Variants in PHTF2 observed in about 807,000 individuals in gnomAD.
The protein encoded by PHTF2 is putative homeodomain transcription factor 2.
In PHTF2, 60 loss-of-function variants were observed where a neutral mutation model predicts 101.2. The ratio of observed to expected loss-of-function variants is 0.59; its 90% CI spans 0.48 to 0.73. PHTF2 has a LOEUF of 0.73. Among genes scored for constraint, PHTF2 ranks in the 30% least tolerant of loss-of-function variants. The probability of loss-of-function intolerance (pLI) is 0.00; values close to 1 mark genes in which losing one functional copy is unlikely to be tolerated. For synonymous variants in PHTF2, 311 were observed against 307.3 expected (o/e 1.01, Z -0.13); for missense variants, 747 against 908.7 (o/e 0.82, Z 2.29).
At chr7:77,857,134 C>T (rs927713234) in intron 3 of PHTF2, among the ~76,000 whole-genome samples, 1 of 152,108 alleles carries the variant, frequency 6.6e-6, no homozygotes, top group Non-Finnish European at 1.5e-5. Context: ...TCCAGGTATG[C>T]GCAGTGACCT....
chr7:77,832,972 ATAAC>A (rs1174048744), intron 1 of PHTF2, among the ~76,000 whole-genome samples: 8 of 152,270 alleles, frequency 5.3e-5, no homozygotes, highest in Non-Finnish European at 4.4e-5. Flanking sequence ...GAGATAGATA[ATAAC>A]TAATAATAAA....
intron 1 of PHTF2, among the ~76,000 whole-genome samples, chr7:77,828,036 G>A (rs1000781754): frequency 5.3e-5 from 8 of 152,148 alleles, no homozygotes; most frequent in African/African-American, 1.9e-4. Context: ...AAGCCGTTTA[G>A]TTAACTCTTT....
chr7:77,806,641 T>C (rs1210051999), intron 1 of PHTF2, among the ~76,000 whole-genome samples: 1 of 152,204 alleles, frequency 6.6e-6, no homozygotes, highest in Non-Finnish European at 1.5e-5. Context: ...ATCTCTGCCT[T>C]TTAATTTAGA....
intron 18 of PHTF2, 109 bp downstream of exon 17, chr7:77,951,821 G>A (rs1169408006): frequency 1.9e-5 from 11 of 582,554 alleles, no homozygotes; most frequent in Non-Finnish European, 3.0e-6. Context: ...GATTATCCAA[G>A]TTGTTTCCAA....
intron 3 of PHTF2, among the ~76,000 whole-genome samples, chr7:77,885,969 G>A (rs1464291944): frequency 6.6e-6 from 1 of 152,128 alleles, no homozygotes; most frequent in Non-Finnish European, 1.5e-5. Context: ...ATGGTGGTAG[G>A]AAAAATTAGG....
At chr7:77,940,348 A>G in intron 14 of PHTF2, 46 bp downstream of exon 13, 1 of 1,487,792 alleles carries the variant, frequency 6.7e-7, no homozygotes, top group Non-Finnish European at 9.1e-7. Context: ...TATCGTTTTC[A>G]TAATATTAAA....
At chr7:77,832,461 T>C (rs992792686) in intron 1 of PHTF2, among the ~76,000 whole-genome samples, 4 of 152,158 alleles carry the variant, frequency 2.6e-5, no homozygotes, top group African/African-American at 9.7e-5. Context: ...TAGAAGAGGA[T>C]CAACTGCTTA....
chr7:77,805,243 T>C (rs533260890), intron 1 of PHTF2, among the ~76,000 whole-genome samples: 1 of 152,324 alleles, frequency 6.6e-6, no homozygotes, highest in South Asian at 2.1e-4. Flanking sequence ...CTTTTTAATA[T>C]CTGTAAGACA....
chr7:77,834,434 A>G (rs1795299331), intron 1 of PHTF2, among the ~76,000 whole-genome samples: 1 of 152,272 alleles, frequency 6.6e-6, no homozygotes, highest in South Asian at 2.1e-4. Context: ...TCTTTGTATC[A>G]CAAATTCCAG....
intron 3 of PHTF2, among the ~76,000 whole-genome samples, chr7:77,886,835 A>G (rs935828278): frequency 6.6e-6 from 1 of 151,852 alleles, no homozygotes; most frequent in Admixed American, 6.6e-5. Context: ...CTTGAGCCCA[A>G]GAGTTCAAGG....
intron 1 of PHTF2, among the ~76,000 whole-genome samples, chr7:77,834,069 G>A (rs1211227644): frequency 6.6e-6 from 1 of 152,000 alleles, no homozygotes; most frequent in Non-Finnish European, 1.5e-5. Context: ...GATTTGAGTT[G>A]CTCTGAATAT....
In PHTF2 at chr7:77,951,664, A is replaced by G. The variant is rs1180925840; in HGVS notation, c.2163A>G (p.Glu721=). 4.7e-6 allele frequency: 7 copies of G among 1,485,438 alleles called. No homozygotes were observed. In the African/African-American group the frequency reaches 5.7e-5, roughly 12 times the overall value. 92.0% of individuals were successfully genotyped at this position (1,485,438 alleles called of 1,614,324 possible). ...AGAAAAAACCTAACAAAAAGGAGGA[A>G]CTGACACTAGTGAATAATGTTTTAA... The change falls in exon 18 of 20, where the codon GAA becomes GAG. Residue 721 remains glutamate, a synonymous_variant. Transcript: ENST00000416283.
chr7:77,854,651 G>T (rs1797029282), intron 2 of PHTF2: 1 of 680,654 alleles, frequency 1.5e-6, no homozygotes. Flanking sequence ...TCTACTCCAT[G>T]CTGTATTCTG....
At chr7:77,821,560 A>G (rs906509404) in intron 1 of PHTF2, among the ~76,000 whole-genome samples, 5 of 151,986 alleles carry the variant, frequency 3.3e-5, no homozygotes, top group African/African-American at 1.2e-4. Context: ...TGTGTCCACC[A>G]TAGATGGCCC....
At chr7:77,808,079 T>A (rs1793135085) in intron 1 of PHTF2, among the ~76,000 whole-genome samples, 1 of 152,220 alleles carries the variant, frequency 6.6e-6, no homozygotes, top group African/African-American at 2.4e-5. Flanking sequence ...CTGTTATGAT[T>A]ACTGCTTTGT....
intron 2 of PHTF2, among the ~76,000 whole-genome samples, chr7:77,852,605 A>G (rs1796855205): frequency 2.6e-5 from 4 of 152,194 alleles, no homozygotes; most frequent in Admixed American, 2.6e-4. Flanking sequence ...TTTCTACTCA[A>G]TATGTGAGTG....
chr7:77,918,966 G>A (rs1447524201), intron 9 of PHTF2, among the ~76,000 whole-genome samples: 2 of 152,208 alleles, frequency 1.3e-5, no homozygotes, highest in Non-Finnish European at 2.9e-5. Context: ...GGACAAGGAA[G>A]GAAAGGGGCC....
Position 77,880,120 on chromosome 7 carries a change from T to C in PHTF2, c.148-13488T>C, listed in dbSNP as rs142997158. 2.9e-3 allele frequency among the ~76,000 whole-genome samples: 447 copies of C among 152,342 alleles called. 4 individuals carry two copies. The highest frequency in any genetic ancestry group is 0.01 in the African/African-American group (428 of 41,582). The stretch of plus-strand genomic sequence containing the variant: ...ATTAGCATCGTATTTTTTATTTTCC[T>C]GTTTTCATGTAACATAACCAAAAGT... On this transcript the variant is annotated intron_variant, in intron 3 of 19. Transcript: ENST00000416283.
At chr7:77,819,511 T>C (rs1444303891) in intron 1 of PHTF2, among the ~76,000 whole-genome samples, 1 of 152,234 alleles carries the variant, frequency 6.6e-6, no homozygotes, top group Admixed American at 6.5e-5. Context: ...TTGTCTTTTA[T>C]TCTATTGGTG....
Sources: gnomAD v4.1 joint callset for allele counts (sites outside exome capture counted in the v4.1 genomes callset) on GRCh38, gnomAD v4.1.1 for gene constraint, MANE v1.5 for transcripts, NCBI Gene and HGNC (gene_info 2026-07-23, HGNC 2026-07-21) for gene names.